KCNK13: variants seen among roughly 807,000 people sequenced by gnomAD.
The protein encoded by KCNK13 is potassium two pore domain channel subfamily K member 13.
In KCNK13, 12 loss-of-function variants were observed where a neutral mutation model predicts 23.4. The observed-to-expected ratio is 0.51, with a 90% CI of 0.33 to 0.83. KCNK13 has a LOEUF of 0.83. Among genes scored for constraint, KCNK13 ranks in the 40% least tolerant of loss-of-function variants. The pLI is 0.02. For missense variants in KCNK13, 463 were observed against 556.3 expected, an observed-to-expected ratio of 0.83 and a Z score of 1.69; for synonymous variants, 231 against 229.5, an observed-to-expected ratio of 1.01 and a Z score of -0.06.
At chr14:90,181,150 C>A (rs112914565) in intron 1 of KCNK13, among the ~76,000 whole-genome samples, 112 of 152,238 alleles carry the variant, frequency 7.4e-4, no homozygotes, top group African/African-American at 2.6e-3. Context: ...CCACCATGCC[C>A]AGCCCACTGT....
intron 1 of KCNK13, among the ~76,000 whole-genome samples, chr14:90,141,407 A>G (rs1161945422): frequency 6.6e-6 from 1 of 152,210 alleles, no homozygotes; most frequent in Non-Finnish European, 1.5e-5. Context: ...TAGGTAAGGA[A>G]CAGATGCATC....
chr14:90,180,382 A>G (rs1424440988), intron 1 of KCNK13, among the ~76,000 whole-genome samples: 1 of 152,126 alleles, frequency 6.6e-6, no homozygotes, highest in Non-Finnish European at 1.5e-5. Context: ...ATGGGGCTCA[A>G]AAAAGGGGAG....
chr14:90,174,955 A>G (rs1291569332), intron 1 of KCNK13, among the ~76,000 whole-genome samples: 1 of 152,210 alleles, frequency 6.6e-6, no homozygotes, highest in Non-Finnish European at 1.5e-5. Flanking sequence ...AACCTCCTCC[A>G]GGATGCTCAG....
At chr14:90,111,825 G>T (rs930440323) in intron 1 of KCNK13, among the ~76,000 whole-genome samples, 6 of 152,146 alleles carry the variant, frequency 3.9e-5, no homozygotes, top group Non-Finnish European at 7.3e-5. Flanking sequence ...AATAAATAAG[G>T]TGACTGATTT....
At chr14:90,103,806 GC>G (rs1889510160) in intron 1 of KCNK13, among the ~76,000 whole-genome samples, 2 of 152,114 alleles carry the variant, frequency 1.3e-5, no homozygotes, top group Non-Finnish European at 2.9e-5. Flanking sequence ...TAGGTGATCT[GC>G]CTGCCTTGGC....
chr14:90,068,525 G>A (rs1889035339), intron 1 of KCNK13, among the ~76,000 whole-genome samples: 1 of 152,138 alleles, frequency 6.6e-6, no homozygotes, highest in Non-Finnish European at 1.5e-5. Context: ...TTGAGCCCAG[G>A]AGATTGAGGT....
chr14:90,083,658 G>A (rs952786372), intron 1 of KCNK13, among the ~76,000 whole-genome samples: 1 of 152,206 alleles, frequency 6.6e-6, no homozygotes, highest in African/African-American at 2.4e-5. Context: ...TCCACGATGT[G>A]ATGTATTCCC....
At chr14:90,100,984 G>A (rs748891731) in intron 1 of KCNK13, among the ~76,000 whole-genome samples, 2 of 151,986 alleles carry the variant, frequency 1.3e-5, no homozygotes, top group Non-Finnish European at 2.9e-5. Flanking sequence ...GTGAGCCACC[G>A]TGCCTGGCCA....
intron 1 of KCNK13, among the ~76,000 whole-genome samples, chr14:90,092,367 C>G (rs1889358872): frequency 1.3e-5 from 2 of 152,164 alleles, no homozygotes. Flanking sequence ...GTTTTTCTTT[C>G]TAATAATTGA....
intron 1 of KCNK13, among the ~76,000 whole-genome samples, chr14:90,096,278 T>C (rs551507130): frequency 2.0e-5 from 3 of 152,330 alleles, no homozygotes; most frequent in African/African-American, 7.2e-5. Flanking sequence ...TCTCTAATCA[T>C]GCCTTGGTCT....
At chr14:90,063,145 CTT>C (rs1230156386) in intron 1 of KCNK13, among the ~76,000 whole-genome samples, 1 of 152,094 alleles carries the variant, frequency 6.6e-6, no homozygotes, top group Admixed American at 6.5e-5. Context: ...TTAGGCATAA[CTT>C]GGGTTTGGGA....
intron 1 of KCNK13, among the ~76,000 whole-genome samples, chr14:90,168,879 TC>T (rs1165408249): frequency 6.6e-6 from 1 of 152,148 alleles, no homozygotes; most frequent in Non-Finnish European, 1.5e-5. Flanking sequence ...GGGGGCCATT[TC>T]CCCCATACTG....
chr14:90,181,218 T>A (rs1890481887), intron 1 of KCNK13, among the ~76,000 whole-genome samples: 6 of 152,232 alleles, frequency 3.9e-5, no homozygotes, highest in Admixed American at 3.9e-4. Flanking sequence ...GGACTATGTC[T>A]GTGTCATCTT....
In KCNK13 at chr14:90,184,300, G is replaced by T. The variant is rs375929385; in HGVS notation, c.524G>T (p.Ser175Ile). ...AGACGAGGGGCCCTGCCCCAGGAGA[G>T]CCTGAAGGATGCGGGGCAGTGTGAG... The part of the protein sequence containing the change: ...LRRRGALPQE[S>I]LKDAGQCEVD... Residue 175 changes from serine (S) to isoleucine (I), a missense_variant, in exon 2 of 2, where the codon AGC becomes ATC. This residue lies in a region of KCNK13 where 144 missense variants were observed against 224.0 expected (regional missense o/e 0.64). Coordinates refer to ENST00000282146, the MANE Select transcript of KCNK13 (RefSeq NM_022054.4). The surrounding 1 kb of genome is among the most constrained non-coding windows in gnomAD (Gnocchi z 5.6). The T allele has an allele frequency of 6.2e-7, 1 of 1,614,252 alleles. No individual in the cohort carries two copies. The highest frequency in any genetic ancestry group is 8.5e-7 in the Non-Finnish European group (1 of 1,180,042).
At chr14:90,174,949 TC>T (rs1345466953) in intron 1 of KCNK13, among the ~76,000 whole-genome samples, 1 of 152,100 alleles carries the variant, frequency 6.6e-6, no homozygotes, top group African/African-American at 2.4e-5. Context: ...GGGCATAACC[TC>T]CTCCAGGATG....
At chr14:90,183,916 C>T (rs1409423819) in intron 1 of KCNK13, among the ~76,000 whole-genome samples, 195 bp from the exon 2 acceptor site, 3 of 152,168 alleles carry the variant, frequency 2.0e-5, no homozygotes, top group Non-Finnish European at 2.9e-5. Flanking sequence ...CACAGGCTTT[C>T]AGCAGCCTAG....
chr14:90,138,921 T>C (rs74082631), intron 1 of KCNK13, among the ~76,000 whole-genome samples: 24,651 of 152,102 alleles, frequency 0.16, 2,287 homozygotes, highest in South Asian at 0.29. Context: ...GGGAAGAGTA[T>C]GGCCAGAAAA....
At chr14:90,148,167 T>C (rs994695873) in intron 1 of KCNK13, among the ~76,000 whole-genome samples, 4 of 152,028 alleles carry the variant, frequency 2.6e-5, no homozygotes, top group African/African-American at 9.7e-5. Context: ...CATCTCAAAA[T>C]ATAATAATAA....
chr14:90,066,043 A>C (rs998584361), intron 1 of KCNK13, among the ~76,000 whole-genome samples: 8 of 152,152 alleles, frequency 5.3e-5, no homozygotes, highest in Admixed American at 5.2e-4. Flanking sequence ...GGCTCACTGC[A>C]ACCCCTGCCT....
Sources: gnomAD v4.1 joint callset for allele counts (sites outside exome capture counted in the v4.1 genomes callset) on GRCh38, gnomAD v4.1.1 for gene constraint, gnomAD v4.1.1 regional missense constraint, Gnocchi (gnomAD v3.1) non-coding constraint, MANE v1.5 for transcripts, NCBI Gene and HGNC (gene_info 2026-07-23, HGNC 2026-07-21) for gene names.